FGA: variants seen among roughly 807,000 people sequenced by gnomAD.
The protein encoded by FGA is fibrinogen alpha chain.
A neutral mutation model predicts 20.3 loss-of-function variants in FGA; 20 were observed. That is an observed-to-expected ratio of 0.99 (90% CI 0.69 to 1.43). FGA has a LOEUF of 1.43. FGA is among the 40% of genes most tolerant of loss of function. The pLI, the probability that FGA is intolerant of heterozygous loss-of-function variation, is 0.00. For missense variants in FGA, 777 were observed against 784.7 expected (o/e 0.99, Z 0.12); for synonymous variants, 306 against 281.6 (o/e 1.09, Z -0.87).
At chr4:154,589,009 T>A (rs776717747) in intron 2 of FGA, 33 bp from the exon 3 acceptor site, 3 of 1,544,882 alleles carry the variant, frequency 1.9e-6, no homozygotes, top group Non-Finnish European at 2.7e-6. Context: ...ACAGTAAGGA[T>A]CTATCTCTCA....
At chr4:154,589,305 C>A in intron 2 of FGA, 132 bp downstream of exon 2, 1 of 1,107,558 alleles carries the variant, frequency 9.0e-7, no homozygotes. Context: ...GGTTCCTTTT[C>A]TTTATTTGCT....
rs1171933950 is a variant in FGA, at chr4:154,586,759, T to C, written c.670A>G (p.Ile224Val). The change falls in exon 5 of 5, where the codon ATA becomes GTA. Residue 224 changes from isoleucine (I) to valine (V), a missense_variant. Ile to Val is a conservative substitution (Grantham distance 29). Transcript: ENST00000403106. ...AAGTCTGGAACTGGTTTCATTTTTA[T>C]CAGTGGTAAGTGTTGCCTATCTCTA... ...PSRDRQHLPL[I>V]KMKPVPDLVP... 1.2e-6 allele frequency: 2 copies of C among 1,614,084 alleles called. No homozygotes were observed. Among genetic ancestry groups the C allele is most frequent in the African/African-American group, 2.7e-5 (2 of 74,938 alleles).
downstream of FGA, chr4:154,585,161 A>G (rs1331145831): frequency 1.9e-6 from 2 of 1,065,192 alleles, no homozygotes; most frequent in Non-Finnish European, 1.3e-6. Flanking sequence ...CCTAAATGTC[A>G]ACTGAGACAC....
rs11553775 is a variant in FGA, at chr4:154,585,910, C to T, written c.1519G>A (p.Asp507Asn). Residue 507 changes from aspartate (D) to asparagine (N), a missense_variant, in exon 5 of 5, where the codon GAT becomes AAT. Asp to Asn is a conservative substitution (Grantham distance 23). Transcript: ENST00000403106. ...LGTLSGIGTL[D>N]GFRHRHPDEA... The stretch of plus-strand genomic sequence containing the variant: ...TCAGGGTGCCTATGGCGGAACCCAT[C>T]CAGAGTACCTATGCCAGACAATGTG... 1 of 1,613,998 alleles carries T rather than the reference C, an allele frequency of 6.2e-7. No individual in the cohort carries two copies. Among genetic ancestry groups the T allele is most frequent in the South Asian group, 1.1e-5 (1 of 91,054 alleles).
rs774638560 is a variant in FGA, at chr4:154,586,727, G to A, written c.702C>T (p.Pro234=). Residue 234 remains proline (P), a synonymous_variant, in exon 5 of 5, where the codon CCC becomes CCT. Coordinates refer to ENST00000403106, the MANE Select transcript of FGA (RefSeq NM_021871.4). ...IKMKPVPDLV[P]GNFKSQLQKV... is the part of the protein sequence containing the mutation. Reference sequence around the variant, plus strand: ...TCTGAAGCTGGCTCTTAAAATTTCCGGGAACCAAGTCTGGAACTGGTTTCA... The same window carrying A: ...TCTGAAGCTGGCTCTTAAAATTTCCAGGAACCAAGTCTGGAACTGGTTTCA... 8.7e-6 allele frequency: 14 copies of A among 1,613,990 alleles called. No homozygotes were observed. The highest frequency in any genetic ancestry group is 2.7e-5 in the African/African-American group (2 of 74,916).
chr4:154,583,793 T>C (rs1030549251), downstream of FGA: 1 of 265,512 alleles, frequency 3.8e-6, no homozygotes, highest in Non-Finnish European at 7.2e-6. Flanking sequence ...TTTTGGGTGG[T>C]ATGGGAAGAG....
At chr4:154,584,700 G>C, downstream of FGA, 8 of 1,613,948 alleles carry the variant, frequency 5.0e-6, no homozygotes, top group Non-Finnish European at 6.8e-6. Flanking sequence ...TTCTTTGCTG[G>C]ATCAAAAGCC....
chr4:154,584,113 A>ACTTCGAAGACAGAGTGCTCCCATTCCCT, downstream of FGA: 1 of 1,601,022 alleles, frequency 6.2e-7, no homozygotes, highest in Non-Finnish European at 8.6e-7. Flanking sequence ...TCCCATTCCC[A>ACTTCGAAGACAGAGTGCTCCCATTCCCT]CTTCTTCAGC....
In FGA at chr4:154,586,430, G is replaced by T. The variant is rs754059450; in HGVS notation, c.999C>A (p.Ser333Arg). Reference sequence around the variant, plus strand: ...CAGTTCCAGAGCTCCCAGAGTTCCAGCTTCCAGTACTTCCAGGTCCAGAGC... The same window carrying T: ...CAGTTCCAGAGCTCCCAGAGTTCCATCTTCCAGTACTTCCAGGTCCAGAGC... ...PGSSGPGSTG[S>R]WNSGSSGTGS... The change falls in exon 5 of 5, where the codon AGC becomes AGA. Residue 333 changes from serine (S) to arginine (R), a missense_variant. Transcript: ENST00000403106. 1 of 1,611,530 alleles carries T rather than the reference G, an allele frequency of 6.2e-7. No homozygotes were observed. The highest frequency in any genetic ancestry group is 8.5e-7 in the Non-Finnish European group (1 of 1,178,632).
chr4:154,588,979 GAA>G lies in FGA; in HGVS notation c.181-5_181-4del, dbSNP rs1376172152. On this transcript the variant is annotated splice_polypyrimidine_tract_variant and splice_region_variant and intron_variant, in intron 2 of 4. Coordinates refer to ENST00000403106, the MANE Select transcript of FGA (RefSeq NM_021871.4). ...CAGCCAGAAGGGCATTTGTAGTTCT[GAA>G]AGTGAAGGGAGAAAATTACAGTAAG... The G allele has an allele frequency of 1.2e-6, 2 of 1,610,750 alleles. No homozygotes were observed. The highest frequency in any genetic ancestry group is 3.3e-5 in the Admixed American group (2 of 60,006).
At chr4:154,590,233 A>T (rs577200564) in intron 1 of FGA, among the ~76,000 whole-genome samples, 1 of 152,256 alleles carries the variant, frequency 6.6e-6, no homozygotes, top group Admixed American at 6.5e-5. Flanking sequence ...ATTATGGACA[A>T]GTAGCAAGAA....
In FGA at chr4:154,585,750, G is replaced by A. The variant is rs756684967; in HGVS notation, c.1679C>T (p.Ser560Phe). Residue 560 changes from serine to phenylalanine, a missense_variant, in exon 5 of 5, where the codon TCC (serine) becomes TTC (phenylalanine). Coordinates refer to ENST00000403106, the MANE Select transcript of FGA (RefSeq NM_021871.4). ...ESGIFTNTKE[S>F]SSHHPGIAEF... is the part of the protein sequence containing the mutation. ...AGCTATCCCAGGGTGATGAGAACTG[G>A]ATTCCTTTGTATTTGTGAAGATGCC... is the stretch of plus-strand genomic sequence containing the variant. 6.2e-7 allele frequency: 1 copy of A among 1,614,132 alleles called. No homozygotes were observed.
At position 154,585,563 on chromosome 4, in the gene FGA, G is replaced by A. The variant is rs773249015; in HGVS notation, c.1866C>T (p.Gly622=). The change falls in exon 5 of 5, where the codon GGC becomes GGT. Residue 622 remains glycine, a synonymous_variant. Transcript: ENST00000403106. ...CTCTGACAGGGCGAGATTTAGCATG[G>A]CCTCTCTTGGTGCTATGTGTTCCTT... ...DHEGTHSTKR[G]HAKSRPVRGI... is the part of the protein sequence containing the mutation. 7.4e-6 allele frequency: 12 copies of A among 1,613,978 alleles called. No homozygotes were observed. In the South Asian group the frequency reaches 9.9e-5, roughly 13 times the overall value.
chr4:154,590,031 A>T (rs1245283161), intron 1 of FGA, among the ~76,000 whole-genome samples: 1 of 152,236 alleles, frequency 6.6e-6, no homozygotes, highest in African/African-American at 2.4e-5. Context: ...TCAAGTTTCT[A>T]TGTAACCTTT....
rs1730732716 is a variant in FGA, at chr4:154,586,712, G to A, written c.717C>T (p.Ser239=). The A allele has an allele frequency of 1.2e-6, 2 of 1,614,160 alleles. No individual in the cohort carries two copies. The highest frequency in any genetic ancestry group is 2.2e-5 in the East Asian group (1 of 44,878). ...VPDLVPGNFK[S]QLQKVPPEWK... ...ACTCTGGGGGTACCTTCTGAAGCTG[G>A]CTCTTAAAATTTCCGGGAACCAAGT... Residue 239 remains serine, a synonymous_variant, in exon 5 of 5, where the codon AGC becomes AGT. Transcript: ENST00000403106.
chr4:154,583,943 C>T (rs565516752), downstream of FGA: 3 of 615,172 alleles, frequency 4.9e-6, no homozygotes, highest in Admixed American at 8.7e-5. Context: ...AAAAACCTTA[C>T]ATAACTTTAT....
At chr4:154,589,092 C>T (rs1730808665) in intron 2 of FGA, 116 bp from the exon 3 acceptor site, 2 of 948,764 alleles carry the variant, frequency 2.1e-6, no homozygotes, top group Non-Finnish European at 3.3e-6. Context: ...GATAAGTTGG[C>T]TTAAAAGTAG....
Position 154,585,313 on chromosome 4 carries a change from C to A in FGA, c.*181G>T. 8.1e-7 allele frequency: 1 copy of A among 1,240,464 alleles called. No homozygotes were observed. 76.8% of individuals were successfully genotyped at this position (1,240,464 alleles called of 1,614,324 possible). On this transcript the variant is annotated 3_prime_UTR_variant, in exon 5 of 5. Coordinates refer to ENST00000403106, the MANE Select transcript of FGA (RefSeq NM_021871.4). ...TTAACATGTATTTATTGAGTCATGG[C>A]TCTGTACTGTTAGGCATTTGGGAAT...
At chr4:154,588,065 C>T (rs1283650423) in intron 3 of FGA, among the ~76,000 whole-genome samples, 3 of 152,190 alleles carry the variant, frequency 2.0e-5, no homozygotes, top group Non-Finnish European at 4.4e-5. Flanking sequence ...TATTTTATAA[C>T]ATCCTTAATC....
Sources: allele counts gnomAD v4.1 joint callset (sites outside exome capture counted in the v4.1 genomes callset), GRCh38; gene constraint gnomAD v4.1.1; transcripts MANE v1.5; gene names NCBI Gene and HGNC (gene_info 2026-07-23, HGNC 2026-07-21).